Variants in PLCB1 observed in about 807,000 individuals in gnomAD.
PLCB1 encodes 1-phosphatidylinositol 4,5-bisphosphate phosphodiesterase beta-1.
In PLCB1, 46 loss-of-function variants were observed where a neutral mutation model predicts 161.8. The observed-to-expected ratio is 0.28, with a 90% CI of 0.22 to 0.36. The LOEUF is 0.36. PLCB1 is among the 10% of genes least tolerant of loss of function. The pLI is 1.00. For missense variants in PLCB1, 1,016 were observed against 1,472.5 expected (o/e 0.69, Z 5.07); for synonymous variants, 517 against 503.7 (o/e 1.03, Z -0.35).
chr20:8,719,457 A>C (rs1392634877), intron 14 of PLCB1, among the ~76,000 whole-genome samples: 1 of 152,222 alleles, frequency 6.6e-6, no homozygotes, highest in South Asian at 2.1e-4. Flanking sequence ...CAAAGAAAGA[A>C]TATGCAGCCA....
intron 2 of PLCB1, among the ~76,000 whole-genome samples, chr20:8,242,113 A>T (rs764332721): frequency 1.3e-5 from 2 of 151,922 alleles, no homozygotes; most frequent in Admixed American, 6.6e-5. Context: ...TCTCCAGAGA[A>T]CTTAGTGTCT....
At chr20:8,566,698 GC>G (rs1280081018) in intron 3 of PLCB1, among the ~76,000 whole-genome samples, 1 of 152,020 alleles carries the variant, frequency 6.6e-6, no homozygotes, top group Non-Finnish European at 1.5e-5. Flanking sequence ...TGCTTAACTG[GC>G]TATGATATAT....
chr20:8,362,534 T>C (rs1285817937), intron 2 of PLCB1, among the ~76,000 whole-genome samples: 1 of 152,230 alleles, frequency 6.6e-6, no homozygotes, highest in Non-Finnish European at 1.5e-5. Flanking sequence ...CATATAATTT[T>C]ATGTTTAGCT....
intron 9 of PLCB1, among the ~76,000 whole-genome samples, chr20:8,681,198 A>T (rs1990212726): frequency 1.3e-5 from 2 of 150,226 alleles, no homozygotes; most frequent in Non-Finnish European, 3.0e-5. Context: ...ACTTGGATAC[A>T]CATTCTTTGC....
intron 2 of PLCB1, among the ~76,000 whole-genome samples, chr20:8,265,188 A>G (rs1981894220): frequency 6.6e-6 from 1 of 152,162 alleles, no homozygotes; most frequent in Non-Finnish European, 1.5e-5. Flanking sequence ...AATTTTGAAC[A>G]ATCTCAATCT....
intron 2 of PLCB1, among the ~76,000 whole-genome samples, chr20:8,200,254 A>G (rs2123124602): frequency 6.6e-6 from 1 of 152,168 alleles, no homozygotes; most frequent in Non-Finnish European, 1.5e-5. Context: ...GCAGCATACT[A>G]GAAAATCCAT....
chr20:8,297,334 G>C (rs1006570282), intron 2 of PLCB1, among the ~76,000 whole-genome samples: 4 of 152,056 alleles, frequency 2.6e-5, no homozygotes, highest in South Asian at 2.1e-4. Context: ...ATTGAAAATT[G>C]TCAATCTTTC....
At chr20:8,775,763 G>A (rs1436167376) in intron 27 of PLCB1, among the ~76,000 whole-genome samples, 1 of 152,150 alleles carries the variant, frequency 6.6e-6, no homozygotes, top group Non-Finnish European at 1.5e-5. Context: ...GAGATTTTTA[G>A]GGTCTACCTT....
chr20:8,406,226 A>G (rs1568664045), intron 3 of PLCB1, among the ~76,000 whole-genome samples: 1 of 152,224 alleles, frequency 6.6e-6, no homozygotes, highest in Non-Finnish European at 1.5e-5. Flanking sequence ...GCTTAAAGCT[A>G]CATTTTAAAA....
intron 27 of PLCB1, among the ~76,000 whole-genome samples, chr20:8,785,721 G>T (rs187833974): frequency 1.0e-3 from 152 of 152,222 alleles, no homozygotes; most frequent in African/African-American, 3.3e-3. Flanking sequence ...TGGGCAGAAG[G>T]TCTGTGAGTT....
At chr20:8,162,121 T>A (rs1441161571) in intron 2 of PLCB1, among the ~76,000 whole-genome samples, 5 of 152,346 alleles carry the variant, frequency 3.3e-5, no homozygotes, top group Non-Finnish European at 7.4e-5. Context: ...ATTCTGTCGA[T>A]GAAAATTTTT....
chr20:8,136,282 G>C (rs1457269528), intron 1 of PLCB1, among the ~76,000 whole-genome samples: 1 of 152,116 alleles, frequency 6.6e-6, no homozygotes, highest in Non-Finnish European at 1.5e-5. Context: ...CATATGCATT[G>C]CTTTGTATAA....
At position 8,609,904 on chromosome 20, in the gene PLCB1, T is replaced by C. The variant is rs1376889678; in HGVS notation, c.247-18390T>C. Among the ~76,000 whole-genome samples, 8 of 152,206 alleles carry C rather than the reference T, an allele frequency of 5.3e-5. No homozygotes were observed. The East Asian group carries it at 1.3e-3, about 26-fold the overall frequency. On this transcript the variant is annotated intron_variant, in intron 3 of 31. Transcript: ENST00000338037. ...GTACTTTAGGGTGAATATCTGTATT[T>C]GCACACCAATAAATTAACCCTTCTA...
intron 3 of PLCB1, among the ~76,000 whole-genome samples, chr20:8,546,709 A>C (rs1037430484): frequency 7.9e-5 from 12 of 152,148 alleles, no homozygotes; most frequent in African/African-American, 2.7e-4. Flanking sequence ...TATTATAGTA[A>C]ACACCATTAC....
chr20:8,721,490 A>G (rs1979630579), intron 14 of PLCB1, among the ~76,000 whole-genome samples: 1 of 152,212 alleles, frequency 6.6e-6, no homozygotes, highest in Admixed American at 6.5e-5. Flanking sequence ...TCATACTGAT[A>G]TGAATATTTA....
chr20:8,214,164 A>G (rs934204998), intron 2 of PLCB1, among the ~76,000 whole-genome samples: 3 of 152,132 alleles, frequency 2.0e-5, no homozygotes, highest in Admixed American at 6.6e-5. Flanking sequence ...AATGGGTATT[A>G]TATATATGCT....
intron 27 of PLCB1, 24 bp from the exon 28 acceptor site, chr20:8,788,425 C>CA: frequency 6.2e-7 from 1 of 1,607,376 alleles, no homozygotes; most frequent in South Asian, 1.1e-5. Context: ...TTTGAAATAG[C>CA]AAACTGACAT....
At chr20:8,685,731 T>C (rs1435234591) in intron 10 of PLCB1, among the ~76,000 whole-genome samples, 1 of 151,830 alleles carries the variant, frequency 6.6e-6, no homozygotes, top group Admixed American at 6.6e-5. Flanking sequence ...GAATGAAACT[T>C]TGTCTCAAAA....
intron 3 of PLCB1, among the ~76,000 whole-genome samples, chr20:8,602,107 CT>C (rs1349365819): frequency 5.0e-4 from 76 of 152,266 alleles, no homozygotes; most frequent in African/African-American, 1.6e-3. Flanking sequence ...TTAAAGTTCT[CT>C]CATGAGACTA....
Sources: allele counts gnomAD v4.1 joint callset (sites outside exome capture counted in the v4.1 genomes callset), GRCh38; gene constraint gnomAD v4.1.1; transcripts MANE v1.5; gene names NCBI Gene and HGNC (gene_info 2026-07-23, HGNC 2026-07-21).